The following SORCS1 variants were observed in gnomAD, a reference collection of about 807,000 sequenced individuals.
SORCS1 encodes the protein sortilin related VPS10 domain containing receptor 1.
In SORCS1, 60 loss-of-function variants were observed where a neutral mutation model predicts 146.1. That is an observed-to-expected ratio of 0.41 (90% CI 0.33 to 0.51). The LOEUF is 0.51. Ranked by LOEUF, SORCS1 falls within the 20% of genes least tolerant of loss-of-function variation. The probability of loss-of-function intolerance (pLI) is 0.21; values close to 1 mark genes in which losing one functional copy is unlikely to be tolerated. For missense variants in SORCS1, 1,352 were observed against 1,487.6 expected, an observed-to-expected ratio of 0.91 and a Z score of 1.50; for synonymous variants, 637 against 584.0, an observed-to-expected ratio of 1.09 and a Z score of -1.31.
At chr10:106,729,122 T>C (rs1856413646) in intron 6 of SORCS1, among the ~76,000 whole-genome samples, 1 of 152,240 alleles carries the variant, frequency 6.6e-6, no homozygotes, top group Non-Finnish European at 1.5e-5. Context: ...GGTCAGGCAC[T>C]GTGTGAAGTA....
intron 8 of SORCS1, 91 bp from the exon 9 acceptor site, chr10:106,699,484 T>G: frequency 1.7e-6 from 2 of 1,147,696 alleles, no homozygotes; most frequent in Non-Finnish European, 2.4e-6. Context: ...AAATGAGGAA[T>G]ACCAGAATGA....
intron 1 of SORCS1, among the ~76,000 whole-genome samples, chr10:107,134,405 A>C (rs1437015792): frequency 6.6e-6 from 1 of 152,142 alleles, no homozygotes; most frequent in African/African-American, 2.4e-5. Context: ...TTGGGAGGCC[A>C]AGGCGGATGG....
chr10:106,945,401 T>C (rs952953614), intron 2 of SORCS1, among the ~76,000 whole-genome samples: 5 of 152,216 alleles, frequency 3.3e-5, no homozygotes, highest in Non-Finnish European at 7.3e-5. Flanking sequence ...TTTTCATTGT[T>C]TGATTGCTTA....
At chr10:107,175,687 T>C in the SORCS1 span, among the ~76,000 whole-genome samples, 1 of 152,146 alleles carries the variant, frequency 6.6e-6, no homozygotes, top group Non-Finnish European at 1.5e-5. Flanking sequence ...ACTCCCACCT[T>C]GGTCTCCCAA....
intron 2 of SORCS1, among the ~76,000 whole-genome samples, chr10:106,894,270 CGTGTGT>C (rs3982431): frequency 0.26 from 37,118 of 141,332 alleles, 4,957 homozygotes; most frequent in Non-Finnish European, 0.33. Flanking sequence ...CGCACGTGTG[CGTGTGT>C]GTGTGTGTGT....
chr10:106,776,491 G>A, intron 4 of SORCS1, 43 bp downstream of exon 4: 2 of 1,607,698 alleles, frequency 1.2e-6, no homozygotes, highest in South Asian at 2.2e-5. Context: ...ATTTTCCCCG[G>A]AGAACCATGC....
chr10:106,627,915 T>C (rs1349273542), intron 19 of SORCS1, among the ~76,000 whole-genome samples: 1 of 152,226 alleles, frequency 6.6e-6, no homozygotes, highest in Non-Finnish European at 1.5e-5. Flanking sequence ...GGTGGGCCAC[T>C]TCAAACAAGT....
At chr10:106,809,088 T>C (rs918130800) in intron 3 of SORCS1, among the ~76,000 whole-genome samples, 1 of 152,178 alleles carries the variant, frequency 6.6e-6, no homozygotes, top group African/African-American at 2.4e-5. Context: ...ATTCAGTCTT[T>C]GCATGATGAT....
intron 9 of SORCS1, among the ~76,000 whole-genome samples, chr10:106,692,415 G>T (rs1853364425): frequency 6.6e-6 from 1 of 152,070 alleles, no homozygotes; most frequent in African/African-American, 2.4e-5. Flanking sequence ...GCATTAGAAG[G>T]TACAACACCC....
At position 106,953,564 on chromosome 10, in the gene SORCS1, G is replaced by C. The variant is rs956976253; in HGVS notation, c.626+2949C>G. 6.6e-5 allele frequency among the ~76,000 whole-genome samples: 10 copies of C among 152,080 alleles called. 1 individual carries two copies. In the South Asian group the frequency reaches 2.1e-3, roughly 31 times the overall value. On this transcript the variant is annotated intron_variant, in intron 2 of 25. Coordinates refer to ENST00000263054, the MANE Select transcript of SORCS1 (RefSeq NM_052918.5). ...TCATGTATCACTTAATGAGGTGGAT[G>C]AATTCGGAGAAACATGACCTTAGGT...
chr10:106,888,400 A>C (rs571786779), intron 2 of SORCS1, among the ~76,000 whole-genome samples: 1 of 152,314 alleles, frequency 6.6e-6, no homozygotes, highest in East Asian at 1.9e-4. Context: ...ACTGGAAAAG[A>C]AGAAAATATC....
chr10:106,906,355 C>A (rs549784648), intron 2 of SORCS1, among the ~76,000 whole-genome samples: 1 of 152,326 alleles, frequency 6.6e-6, no homozygotes, highest in East Asian at 1.9e-4. Context: ...CTCAGGTGAT[C>A]TGCCGGCCTC....
At chr10:106,972,207 C>T (rs1039059127) in intron 1 of SORCS1, among the ~76,000 whole-genome samples, 1 of 151,752 alleles carries the variant, frequency 6.6e-6, no homozygotes, top group Non-Finnish European at 1.5e-5. Flanking sequence ...TATGGTGAAA[C>T]CCTGTCTCTA....
At chr10:106,863,160 G>A (rs1950088131) in intron 2 of SORCS1, among the ~76,000 whole-genome samples, 1 of 152,120 alleles carries the variant, frequency 6.6e-6, no homozygotes, top group African/African-American at 2.4e-5. Flanking sequence ...ATACCCAGCT[G>A]AAAACTGTAG....
At chr10:106,998,519 A>G (rs1346016684) in intron 1 of SORCS1, among the ~76,000 whole-genome samples, 1 of 152,244 alleles carries the variant, frequency 6.6e-6, no homozygotes, top group Admixed American at 6.5e-5. Flanking sequence ...CTTTAACATG[A>G]CAACCAGTCT....
At chr10:107,147,392 C>T (rs951290012) in intron 1 of SORCS1, among the ~76,000 whole-genome samples, 5 of 152,170 alleles carry the variant, frequency 3.3e-5, no homozygotes, top group African/African-American at 1.2e-4. Context: ...CCATCCTATC[C>T]ACTGGAGCAG....
intron 2 of SORCS1, among the ~76,000 whole-genome samples, chr10:106,925,638 C>A (rs1952976983): frequency 6.6e-6 from 1 of 152,204 alleles, no homozygotes; most frequent in Non-Finnish European, 1.5e-5. Context: ...TTAGCTCAAA[C>A]AACAAGCTTT....
At chr10:106,612,884 C>T (rs180759824) in intron 21 of SORCS1, among the ~76,000 whole-genome samples, 13 of 152,208 alleles carry the variant, frequency 8.5e-5, no homozygotes, top group Admixed American at 7.2e-4. Flanking sequence ...GGCCTCTTTG[C>T]ACACACCGTT....
intron 1 of SORCS1, among the ~76,000 whole-genome samples, chr10:106,995,049 A>G (rs939226942): frequency 6.6e-6 from 1 of 152,158 alleles, no homozygotes; most frequent in African/African-American, 2.4e-5. Flanking sequence ...ATGGTGGCTC[A>G]CGCCTGTAAT....
Sources: gnomAD v4.1 joint callset for allele counts (sites outside exome capture counted in the v4.1 genomes callset) on GRCh38, gnomAD v4.1.1 for gene constraint, MANE v1.5 for transcripts, NCBI Gene and HGNC (gene_info 2026-07-23, HGNC 2026-07-21) for gene names.